The following CLCN6 variants were observed in gnomAD, a reference collection of about 807,000 sequenced individuals.
The protein encoded by CLCN6 is H(+)/Cl(-) exchange transporter 6.
CLCN6 carries 70 observed loss-of-function variants against 109.8 expected under a neutral mutation model. The ratio of observed to expected loss-of-function variants is 0.64; its 90% CI spans 0.53 to 0.78. The LOEUF is 0.78. Among genes scored for constraint, CLCN6 ranks in the 30% least tolerant of loss-of-function variants. The probability of loss-of-function intolerance (pLI) is 0.00; values close to 1 mark genes in which losing one functional copy is unlikely to be tolerated. For synonymous variants in CLCN6, 444 were observed against 447.8 expected, an observed-to-expected ratio of 0.99 and a Z score of 0.11; for missense variants, 984 against 1,142.3, an observed-to-expected ratio of 0.86 and a Z score of 2.00.
chr1:11,836,390 A>T (rs987397139), intron 18 of CLCN6, among the ~76,000 whole-genome samples: 2 of 152,188 alleles, frequency 1.3e-5, no homozygotes, highest in African/African-American at 4.8e-5. Flanking sequence ...TCTGTTTTTC[A>T]AGTCAGCAGC....
chr1:11,808,227 T>TTGTGTGTGTGTGTGTG, intron 2 of CLCN6, among the ~76,000 whole-genome samples: 1 of 139,258 alleles, frequency 7.2e-6, no homozygotes, highest in African/African-American at 2.7e-5. Context: ...GTGTGTGTGT[T>TTGTGTGTGTGTGTGTG]TGTGTGTGTG....
rs1645020810 is a variant in CLCN6, at chr1:11,841,373, A to C, written c.*1150A>C. On this transcript the variant is annotated 3_prime_UTR_variant, in exon 23 of 23. Transcript: ENST00000346436. ...GTGCGTGGGGAAGATGCTTCCTGCCAGCACGTGCCTGAAGGTTTCACATGA... is the reference window on the plus strand; with the variant it reads ...GTGCGTGGGGAAGATGCTTCCTGCCCGCACGTGCCTGAAGGTTTCACATGA... The C allele has an allele frequency of 1.3e-5, 2 of 152,542 alleles. No homozygotes were observed. Among genetic ancestry groups the C allele is most frequent in the African/African-American group, 4.8e-5 (2 of 41,456 alleles). 9.4% of individuals were successfully genotyped at this position (152,542 alleles called of 1,614,324 possible).
rs750170974 is a variant in CLCN6, at chr1:11,833,600, C to T, written c.1334C>T (p.Pro445Leu). Residue 445 changes from proline (P) to leucine (L), a missense_variant, in exon 14 of 23, where the codon CCG becomes CTG. Transcript: ENST00000346436. The part of the protein sequence containing the change: ...YNDMATLFFN[P>L]QESAILQLFH... ...GACATGGCCACACTCTTCTTCAACC[C>T]GCAGGAGTCTGCCATCCTCCAGCTC... The T allele has an allele frequency of 9.9e-6, 16 of 1,613,826 alleles. No individual in the cohort carries two copies. Among genetic ancestry groups the T allele is most frequent in the South Asian group, 4.4e-5 (4 of 91,080 alleles).
intron 7 of CLCN6, 63 bp downstream of exon 7, chr1:11,823,896 TGTA>T: frequency 6.3e-7 from 1 of 1,596,056 alleles, no homozygotes; most frequent in Non-Finnish European, 8.6e-7. Flanking sequence ...AGAAGCATGA[TGTA>T]TTTCAGTTAT....
chr1:11,809,053 G>A (rs6699827), intron 2 of CLCN6, among the ~76,000 whole-genome samples: 15,010 of 151,670 alleles, frequency 0.099, 790 homozygotes, highest in South Asian at 0.16. Flanking sequence ...GTAGAGATAG[G>A]GTTTCACCAT....
chr1:11,815,808 C>T, intron 2 of CLCN6, 38 bp from the exon 3 acceptor site: 2 of 1,548,986 alleles, frequency 1.3e-6, no homozygotes, highest in Non-Finnish European at 1.8e-6. Context: ...GTCTTCTCAC[C>T]TGACATGACC....
intron 13 of CLCN6, among the ~76,000 whole-genome samples, chr1:11,832,499 A>G (rs1388507592): frequency 6.6e-6 from 1 of 152,258 alleles, no homozygotes; most frequent in African/African-American, 2.4e-5. Context: ...CACAACGCTG[A>G]GGCTCTGCAC....
intron 10 of CLCN6, among the ~76,000 whole-genome samples, chr1:11,827,548 G>C (rs1009931325): frequency 3.4e-5 from 5 of 148,152 alleles, no homozygotes; most frequent in Admixed American, 2.8e-4. Context: ...CGATTCTCCT[G>C]CCTCAGCCTT....
intron 3 of CLCN6, 117 bp downstream of exon 3, chr1:11,816,028 C>T (rs758501188): frequency 3.5e-5 from 27 of 764,094 alleles, no homozygotes; most frequent in African/African-American, 1.0e-4. Context: ...CCTTTTCATG[C>T]GATACAGGCA....
In CLCN6 at chr1:11,833,581, G is replaced by A. The variant is rs762089073; in HGVS notation, c.1315G>A (p.Ala439Thr). ...TCCCAATGATACCTACAATGACATG[G>A]CCACACTCTTCTTCAACCCGCAGGA... ...FCPNDTYNDM[A>T]TLFFNPQESA... Residue 439 changes from alanine to threonine, a missense_variant, in exon 14 of 23, where the codon GCC becomes ACC. Physicochemically the swap from Ala to Thr is moderately conservative, Grantham distance 58. Coordinates refer to ENST00000346436, the MANE Select transcript of CLCN6 (RefSeq NM_001286.5). The A allele has an allele frequency of 1.9e-6, 3 of 1,614,000 alleles. No individual in the cohort carries two copies. Among genetic ancestry groups the A allele is most frequent in the Non-Finnish European group, 2.5e-6 (3 of 1,179,992 alleles).
At chr1:11,816,747 G>C in intron 4 of CLCN6, 67 bp downstream of exon 4, 2 of 1,134,894 alleles carry the variant, frequency 1.8e-6, no homozygotes, top group Non-Finnish European at 2.6e-6. Context: ...GAAAGCCCTG[G>C]CCTGGTGAAT....
Position 11,834,665 on chromosome 1 carries a change from G to T in CLCN6, c.1793+75G>T. Reference sequence around the variant, plus strand: ...GAGGCCTAAGGAATGTTGTTATTAGGGTAGGAAACAGTAACTCACTTTTCT... The same window carrying T: ...GAGGCCTAAGGAATGTTGTTATTAGTGTAGGAAACAGTAACTCACTTTTCT... On this transcript the variant is annotated intron_variant, in intron 17 of 22. Coordinates refer to ENST00000346436, the MANE Select transcript of CLCN6 (RefSeq NM_001286.5). This position sits in a 1 kb window ranked among gnomAD's most constrained non-coding sequence, Gnocchi z 4.5. 8.0e-7 allele frequency: 1 copy of T among 1,248,406 alleles called. No homozygotes were observed. The highest frequency in any genetic ancestry group is 2.3e-5 in the East Asian group (1 of 43,064). The allele number at this position is 1,248,406 out of a possible 1,614,324, so 77.3% of individuals were successfully genotyped here.
intron 5 of CLCN6, among the ~76,000 whole-genome samples, chr1:11,821,263 G>C (rs198396): frequency 0.25 from 38,646 of 151,728 alleles, 5,081 homozygotes; most frequent in Middle Eastern, 0.38. Context: ...TTAGTATCCA[G>C]AATACAGGAA....
chr1:11,828,808 T>C (rs534846688), intron 12 of CLCN6, among the ~76,000 whole-genome samples, 184 bp downstream of exon 12: 3 of 152,318 alleles, frequency 2.0e-5, no homozygotes, highest in Admixed American at 6.5e-5. Flanking sequence ...GCCAGCTTAA[T>C]TGATGTCAGA....
chr1:11,823,725 G>C lies in CLCN6; in HGVS notation c.472G>C (p.Gly158Arg). Residue 158 changes from glycine to arginine, a missense_variant, in exon 7 of 23, where the codon GGG becomes CGG. Coordinates refer to ENST00000346436, the MANE Select transcript of CLCN6 (RefSeq NM_001286.5). ...CCATCAGCCGGTGGCAGCAGGTTCC[G>C]GGATACCCGAGGTCAAATGCTATCT... is the stretch of plus-strand genomic sequence containing the variant. The part of the protein sequence containing the change: ...VLIEPVAAGS[G>R]IPEVKCYLNG... 1 of 1,614,208 alleles carries C rather than the reference G, an allele frequency of 6.2e-7. No homozygotes were observed. The highest frequency in any genetic ancestry group is 8.5e-7 in the Non-Finnish European group (1 of 1,180,028).
chr1:11,823,402 A>G (rs1397829420), intron 6 of CLCN6, among the ~76,000 whole-genome samples: 1 of 152,226 alleles, frequency 6.6e-6, no homozygotes, highest in African/African-American at 2.4e-5. Flanking sequence ...GCTGGAACCC[A>G]GAAGGCGGAG....
chr1:11,823,477 C>CAAA (rs35345671), intron 6 of CLCN6, among the ~76,000 whole-genome samples: 1 of 142,768 alleles, frequency 7.0e-6, no homozygotes. Context: ...AACTCTACCT[C>CAAA]AAAAAAAAAA....
chr1:11,812,654 C>CA (rs1420926682), intron 2 of CLCN6, among the ~76,000 whole-genome samples: 2 of 131,978 alleles, frequency 1.5e-5, no homozygotes, highest in Non-Finnish European at 3.2e-5. Context: ...AAAAAAAAGA[C>CA]AAAGTATGTT....
rs1395281630 is a variant in CLCN6 at position 11,828,549 on chromosome 1, C to T, written c.1046C>T (p.Ala349Val). The change falls in exon 12 of 23, where the codon GCC (alanine) becomes GTC (valine). Residue 349 changes from alanine (A) to valine (V), a missense_variant. Physicochemically the swap from Ala to Val is moderately conservative, Grantham distance 64. Coordinates refer to ENST00000346436, the MANE Select transcript of CLCN6 (RefSeq NM_001286.5). ...GGGGTCATTGGGGGCCTCCTGGGAG[C>T]CACATTCAACTGTCTGAACAAGAGG... ...VMGVIGGLLG[A>V]TFNCLNKRLA... 4 of 1,614,030 alleles carry T rather than the reference C, an allele frequency of 2.5e-6. No individual in the cohort carries two copies. The African/African-American group carries it at 4.0e-5, about 16-fold the overall frequency.
Sources: gnomAD v4.1 joint callset for allele counts (sites outside exome capture counted in the v4.1 genomes callset) on GRCh38, gnomAD v4.1.1 for gene constraint, Gnocchi (gnomAD v3.1) non-coding constraint, MANE v1.5 for transcripts, NCBI Gene and HGNC (gene_info 2026-07-23, HGNC 2026-07-21) for gene names.